Variants in ABCA12 observed in about 807,000 individuals in gnomAD.
ABCA12 encodes the protein glucosylceramide transporter ABCA12.
A neutral mutation model predicts 293.5 loss-of-function variants in ABCA12; 156 were observed. The observed-to-expected ratio is 0.53, with a 90% confidence interval of 0.47 to 0.61. The LOEUF (loss-of-function observed/expected upper bound fraction) is 0.61. Ranked by LOEUF, ABCA12 falls within the 20% of genes least tolerant of loss-of-function variation. The probability of loss-of-function intolerance (pLI) is 0.00; values close to 1 mark genes in which losing one functional copy is unlikely to be tolerated. For missense variants in ABCA12, 2,797 were observed against 3,090.2 expected, an observed-to-expected ratio of 0.91 and a Z score of 2.25; for synonymous variants, 1,063 against 1,108.0, an observed-to-expected ratio of 0.96 and a Z score of 0.81.
rs1214281683 is a variant in ABCA12 at position 215,055,274 on chromosome 2, T to TTAA, written c.318-611_318-610insTTA. On this transcript the variant is annotated intron_variant, in intron 3 of 52. Coordinates refer to ENST00000272895, the MANE Select transcript of ABCA12 (RefSeq NM_173076.3). ...ATTGAATGTGTCAAGGCAGTAATAA[T>TTAA]TACATTGTGGTGCCAGGAATCCCTG... 2.6e-5 allele frequency among the ~76,000 whole-genome samples: 4 copies of TTAA among 152,192 alleles called. No individual in the cohort carries two copies. The East Asian group carries it at 5.8e-4, about 22-fold the overall frequency.
chr2:215,054,422 C>T, intron 4 of ABCA12, 151 bp downstream of exon 4: 2 of 684,252 alleles, frequency 2.9e-6, no homozygotes, highest in Non-Finnish European at 5.1e-6. Flanking sequence ...CACCGCCATA[C>T]TCAGGCAACC....
chr2:214,955,500 G>A, intron 42 of ABCA12, 139 bp from the exon 43 acceptor site: 1 of 768,304 alleles, frequency 1.3e-6, no homozygotes, highest in East Asian at 2.7e-5. Flanking sequence ...TGAGCAACTT[G>A]GCAAAACCCT....
At chr2:214,955,836 T>G (rs10084163) in intron 42 of ABCA12, among the ~76,000 whole-genome samples, 30,481 of 152,112 alleles carry the variant, frequency 0.2, 5,839 homozygotes, top group African/African-American at 0.5. Context: ...GTAAAAAGCC[T>G]CTTTAAGAAA....
chr2:215,095,450 T>C (rs565128328), intron 2 of ABCA12, among the ~76,000 whole-genome samples: 7 of 152,114 alleles, frequency 4.6e-5, no homozygotes, highest in Non-Finnish European at 8.8e-5. Flanking sequence ...CGACAAATGC[T>C]CCTTCTAACA....
At chr2:215,073,356 CTCA>C (rs1701774087) in intron 2 of ABCA12, among the ~76,000 whole-genome samples, 1 of 152,080 alleles carries the variant, frequency 6.6e-6, no homozygotes, top group Non-Finnish European at 1.5e-5. Context: ...CCCCTAGAAT[CTCA>C]TTTCATTGTA....
chr2:214,958,955 T>C (rs1055328021), intron 40 of ABCA12, 69 bp downstream of exon 40: 1 of 1,424,890 alleles, frequency 7.0e-7, no homozygotes, highest in Non-Finnish European at 9.9e-7. Context: ...TGATTTCCAA[T>C]TACAGCACTT....
intron 1 of ABCA12, among the ~76,000 whole-genome samples, chr2:215,129,989 T>C (rs1353871451): frequency 6.6e-6 from 1 of 152,194 alleles, no homozygotes; most frequent in Non-Finnish European, 1.5e-5. Context: ...AGGATGTCCT[T>C]TCTGCATTGT....
intron 2 of ABCA12, among the ~76,000 whole-genome samples, chr2:215,110,192 G>A (rs1702542744): frequency 6.6e-6 from 1 of 152,246 alleles, no homozygotes; most frequent in South Asian, 2.1e-4. Flanking sequence ...TAACTCAAAT[G>A]ACTTGAGAAA....
At position 215,011,435 on chromosome 2, in the gene ABCA12, T is replaced by A. The variant is rs1156622006; in HGVS notation, c.2332+4A>T. 6.3e-7 allele frequency: 1 copy of A among 1,590,170 alleles called. No homozygotes were observed. Among genetic ancestry groups the A allele is most frequent in the Admixed American group, 1.7e-5 (1 of 59,910 alleles). The stretch of plus-strand genomic sequence containing the variant: ...CTGTCATGCTTATTTTAAAGTATAC[T>A]CACTGGAATTTATGGGAATTCCATA... On this transcript the variant is annotated splice_donor_region_variant and intron_variant, in intron 17 of 52. Transcript: ENST00000272895.
chr2:215,049,664 C>T lies in ABCA12; in HGVS notation c.655G>A (p.Glu219Lys), dbSNP rs1348778209. 1 of 1,613,510 alleles carries T rather than the reference C, an allele frequency of 6.2e-7. No homozygotes were observed. Reference sequence around the variant, plus strand: ...TTGTTTAGTTCTTGGAGAGAAGACTCTAAAAGGGTCATGTTAGAAAGGCAA... The same window carrying T: ...TTGTTTAGTTCTTGGAGAGAAGACTTTAAAAGGGTCATGTTAGAAAGGCAA... ...KFCLSNMTLL[E>K]SSLQELNKQF... Residue 219 changes from glutamate to lysine, a missense_variant, in exon 6 of 53, where the codon GAG becomes AAG. Around this residue, in one of 3 missense-constraint regions of ABCA12, gnomAD observed 656 missense variants for 638.2 expected, o/e 1.03. Transcript: ENST00000272895.
In ABCA12 at chr2:215,043,216, A is replaced by T. The variant is rs533970763; in HGVS notation, c.872+2621T>A. On this transcript the variant is annotated intron_variant, in intron 7 of 52. Coordinates refer to ENST00000272895, the MANE Select transcript of ABCA12 (RefSeq NM_173076.3). ...CACGTGTTGGCCATTTATATGTGTT[A>T]TTTTGAGAAATATCTATTCAGATCT... Among the ~76,000 whole-genome samples, 4 of 152,218 alleles carry T rather than the reference A, an allele frequency of 2.6e-5. No homozygotes were observed. The South Asian group carries it at 8.3e-4, about 32-fold the overall frequency.
chr2:215,079,036 C>T (rs967041303), intron 2 of ABCA12, among the ~76,000 whole-genome samples: 2 of 152,252 alleles, frequency 1.3e-5, no homozygotes, highest in Admixed American at 1.3e-4. Flanking sequence ...ATTTAGTGAA[C>T]CTTCAGTAGC....
At position 214,932,159 on chromosome 2, in the gene ABCA12, A is replaced by T; in HGVS notation, c.*475T>A. ...GTTCATTTGGCCCTTAGCAGTTCAC[A>T]CATCACAGCCGATTCATGTATTCAT... On this transcript the variant is annotated 3_prime_UTR_variant, in exon 53 of 53. Transcript: ENST00000272895. 4.8e-6 allele frequency: 1 copy of T among 210,078 alleles called. No individual in the cohort carries two copies. The allele number at this position is 210,078 out of a possible 1,614,324, so 13.0% of individuals were successfully genotyped here. A position where few individuals can be genotyped will look rare whatever the true frequency, so the allele number is the denominator to read the frequency against.
At chr2:215,055,394 G>GT (rs1416061151) in intron 3 of ABCA12, among the ~76,000 whole-genome samples, 20 of 152,052 alleles carry the variant, frequency 1.3e-4, no homozygotes, top group Non-Finnish European at 2.6e-4. Flanking sequence ...TTTTTGTTTA[G>GT]TTTGTTATTA....
chr2:215,075,962 GGTTCCA>G (rs1384234664), intron 2 of ABCA12, among the ~76,000 whole-genome samples: 1 of 152,178 alleles, frequency 6.6e-6, no homozygotes. Flanking sequence ...CTCGAAGTCT[GGTTCCA>G]GATCCTATCA....
At chr2:215,132,757 A>G (rs780140791) in intron 1 of ABCA12, among the ~76,000 whole-genome samples, 2 of 151,886 alleles carry the variant, frequency 1.3e-5, no homozygotes, top group Admixed American at 6.6e-5. Flanking sequence ...TTGATACGTG[A>G]GATTTTGTTC....
At chr2:215,103,197 G>A (rs1363793840) in intron 2 of ABCA12, among the ~76,000 whole-genome samples, 2 of 151,796 alleles carry the variant, frequency 1.3e-5, no homozygotes, top group African/African-American at 2.4e-5. Flanking sequence ...GATGCAACAG[G>A]CGCCCTTTAA....
chr2:215,116,347 C>T (rs961712498), intron 1 of ABCA12, among the ~76,000 whole-genome samples: 35 of 151,860 alleles, frequency 2.3e-4, no homozygotes, highest in African/African-American at 8.5e-4. Context: ...TTTCAATACT[C>T]GACATAGCTA....
At chr2:215,099,709 AAT>A (rs1702316376) in intron 2 of ABCA12, among the ~76,000 whole-genome samples, 1 of 151,192 alleles carries the variant, frequency 6.6e-6, no homozygotes, top group Non-Finnish European at 1.5e-5. Context: ...AAAAAAAAAA[AAT>A]TCTGACCCCT....
Sources: allele counts gnomAD v4.1 joint callset (sites outside exome capture counted in the v4.1 genomes callset), GRCh38; gene constraint gnomAD v4.1.1; regional missense constraint gnomAD v4.1.1; transcripts MANE v1.5; gene names NCBI Gene and HGNC (gene_info 2026-07-23, HGNC 2026-07-21).